NUMB: variants seen among roughly 807,000 people sequenced by gnomAD.
The protein encoded by NUMB is NUMB endocytic adaptor protein.
A neutral mutation model predicts 59.7 loss-of-function variants in NUMB; 29 were observed. The ratio of observed to expected loss-of-function variants is 0.49; its 90% CI spans 0.36 to 0.66. The LOEUF (loss-of-function observed/expected upper bound fraction) is 0.66, where lower values mean the gene tolerates loss of function less well. NUMB is among the 30% of genes least tolerant of loss of function. The probability of loss-of-function intolerance (pLI) is 0.00; values close to 1 mark genes in which losing one functional copy is unlikely to be tolerated. For synonymous variants in NUMB, 288 were observed against 288.2 expected, an observed-to-expected ratio of 1.00 and a Z score of 0.01; for missense variants, 723 against 822.0, an observed-to-expected ratio of 0.88 and a Z score of 1.47.
At chr14:73,447,773 A>C (rs1883634670) in intron 1 of NUMB, among the ~76,000 whole-genome samples, 1 of 150,264 alleles carries the variant, frequency 6.7e-6, no homozygotes, top group Non-Finnish European at 1.5e-5. Context: ...TTTGCAGTTC[A>C]TTTTCTTGCC....
In NUMB at chr14:73,395,067, G is replaced by A. The variant is rs1896062142; in HGVS notation, c.-101+14870C>T. On this transcript the variant is annotated intron_variant, in intron 2 of 12. Coordinates refer to ENST00000555238, the MANE Select transcript of NUMB (RefSeq NM_001005743.2). ...TGTGTGTGTGTGTGTGTGTGTGTGT[G>A]TGTGTGTGTGTGTGTGTGTGTGTGT... Among the ~76,000 whole-genome samples, 3 of 145,430 alleles carry A rather than the reference G, an allele frequency of 2.1e-5. No individual in the cohort carries two copies. In the South Asian group the frequency reaches 6.3e-4, roughly 31 times the overall value.
intron 2 of NUMB, among the ~76,000 whole-genome samples, chr14:73,395,645 A>T (rs912671864): frequency 2.6e-5 from 4 of 152,194 alleles, no homozygotes; most frequent in Non-Finnish European, 4.4e-5. Context: ...ATTAAAATTT[A>T]AATTAAATTT....
At chr14:73,405,258 T>A (rs1394696709) in intron 2 of NUMB, among the ~76,000 whole-genome samples, 1 of 151,980 alleles carries the variant, frequency 6.6e-6, no homozygotes, top group Non-Finnish European at 1.5e-5. Context: ...GAGTTTATCA[T>A]TTTTTTCCTC....
chr14:73,351,163 AATAC>A (rs1160143732), intron 4 of NUMB, among the ~76,000 whole-genome samples: 27 of 152,268 alleles, frequency 1.8e-4, no homozygotes, highest in African/African-American at 6.0e-4. Flanking sequence ...TAAATCTATA[AATAC>A]ATACATTTTT....
intron 4 of NUMB, among the ~76,000 whole-genome samples, chr14:73,326,355 G>A (rs543266779): frequency 1.1e-4 from 16 of 152,034 alleles, no homozygotes; most frequent in Admixed American, 9.2e-4. Flanking sequence ...GGCCGGTCGC[G>A]GTGGGTCACG....
At position 73,426,725 on chromosome 14, in the gene NUMB, T is replaced by C. The variant is rs1897599064; in HGVS notation, c.-232-16657A>G. 2.0e-5 allele frequency among the ~76,000 whole-genome samples: 3 copies of C among 152,128 alleles called. No homozygotes were observed. In the South Asian group the frequency reaches 6.2e-4, roughly 32 times the overall value. On this transcript the variant is annotated intron_variant, in intron 1 of 12. Coordinates refer to ENST00000555238, the MANE Select transcript of NUMB (RefSeq NM_001005743.2). ...AGCCAGGCGTGGTGGCGGGCACCTG[T>C]AGTCCCAGCTACTCAGGAGGCTGAG...
intron 2 of NUMB, among the ~76,000 whole-genome samples, chr14:73,390,702 T>G (rs1039608376): frequency 4.8e-5 from 6 of 126,026 alleles, no homozygotes; most frequent in Non-Finnish European, 7.9e-5. Flanking sequence ...CAGGCTGGAG[T>G]GCAGTGGCGT....
At chr14:73,312,767 C>T (rs577136431) in intron 6 of NUMB, among the ~76,000 whole-genome samples, 1 of 150,714 alleles carries the variant, frequency 6.6e-6, no homozygotes, top group Non-Finnish European at 1.5e-5. Context: ...CCCTAGAAGA[C>T]CCACTTCCTG....
intron 1 of NUMB, among the ~76,000 whole-genome samples, chr14:73,444,666 T>C (rs1883332663): frequency 6.6e-6 from 1 of 151,978 alleles, no homozygotes; most frequent in African/African-American, 2.4e-5. Context: ...GAGACTTTCC[T>C]GGCCAACATG....
In NUMB at chr14:73,393,816, G is replaced by A. The variant is rs370584701; in HGVS notation, c.-101+16121C>T. 3.3e-5 allele frequency among the ~76,000 whole-genome samples: 5 copies of A among 152,146 alleles called. No individual in the cohort carries two copies. In the South Asian group the frequency reaches 1.0e-3, roughly 32 times the overall value. ...CAAGAAGAGTCACAAGTTTTTGCTGGGATCTTTTCCCCTCTTCTAATAGCT... is the reference window on the plus strand; with the variant it reads ...CAAGAAGAGTCACAAGTTTTTGCTGAGATCTTTTCCCCTCTTCTAATAGCT... On this transcript the variant is annotated intron_variant, in intron 2 of 12. Coordinates refer to ENST00000555238, the MANE Select transcript of NUMB (RefSeq NM_001005743.2).
At chr14:73,441,764 T>C (rs1883084829) in intron 1 of NUMB, among the ~76,000 whole-genome samples, 1 of 151,894 alleles carries the variant, frequency 6.6e-6, no homozygotes, top group Non-Finnish European at 1.5e-5. Flanking sequence ...CAGTCCTAGC[T>C]ACTAGGGAGG....
intron 4 of NUMB, among the ~76,000 whole-genome samples, chr14:73,332,037 T>C (rs1389189787): frequency 1.3e-5 from 2 of 152,106 alleles, no homozygotes; most frequent in African/African-American, 4.8e-5. Flanking sequence ...AAACCTAGGA[T>C]TTCAATTTTT....
chr14:73,293,710 T>C (rs1011736930), intron 7 of NUMB, among the ~76,000 whole-genome samples: 2 of 152,186 alleles, frequency 1.3e-5, no homozygotes, highest in African/African-American at 2.4e-5. Context: ...TTTTTCATAG[T>C]TTCTATTCTC....
intron 11 of NUMB, among the ~76,000 whole-genome samples, chr14:73,281,914 AC>A (rs1419247912): frequency 6.6e-6 from 1 of 152,106 alleles, no homozygotes; most frequent in African/African-American, 2.4e-5. Flanking sequence ...AGCCAGTAAC[AC>A]CCCCAACCCC....
At chr14:73,399,440 A>G (rs9805919) in intron 2 of NUMB, among the ~76,000 whole-genome samples, 49,522 of 152,034 alleles carry the variant, frequency 0.33, 9,366 homozygotes, top group African/African-American at 0.52. Context: ...GCGCATGCCT[A>G]TAATCTCTGC....
intron 7 of NUMB, 117 bp from the exon 8 acceptor site, chr14:73,292,991 G>A: frequency 4.0e-6 from 4 of 993,068 alleles, no homozygotes; most frequent in Non-Finnish European, 4.5e-6. Flanking sequence ...CTAGGCTATG[G>A]AATACCTAGA....
At chr14:73,421,878 C>T (rs145037830) in intron 1 of NUMB, among the ~76,000 whole-genome samples, 15 of 152,266 alleles carry the variant, frequency 9.9e-5, no homozygotes, top group African/African-American at 3.4e-4. Context: ...GTGGCTCACA[C>T]CTGTAATCCC....
intron 4 of NUMB, 53 bp downstream of exon 4, chr14:73,355,573 C>T: frequency 6.5e-7 from 1 of 1,537,478 alleles, no homozygotes; most frequent in Non-Finnish European, 8.8e-7. Context: ...TTCACATACA[C>T]TAGATTGTCA....
chr14:73,401,359 T>C (rs1220238934), intron 2 of NUMB, among the ~76,000 whole-genome samples: 1 of 151,564 alleles, frequency 6.6e-6, no homozygotes, highest in Non-Finnish European at 1.5e-5. Flanking sequence ...TCAATTTTGC[T>C]ATAAACCTGA....
Sources: allele counts gnomAD v4.1 joint callset (sites outside exome capture counted in the v4.1 genomes callset), GRCh38; gene constraint gnomAD v4.1.1; transcripts MANE v1.5; gene names NCBI Gene and HGNC (gene_info 2026-07-23, HGNC 2026-07-21).